The following NTN1 variants were observed in gnomAD, a reference collection of about 807,000 sequenced individuals.
NTN1 encodes netrin 1.
NTN1 carries 11 observed loss-of-function variants against 54.2 expected under a neutral mutation model. The observed-to-expected ratio is 0.20, with a 90% confidence interval of 0.13 to 0.34. NTN1 has a LOEUF of 0.34. Ranked by LOEUF, NTN1 falls within the 10% of genes least tolerant of loss-of-function variation. The pLI is 1.00. For synonymous variants in NTN1, 371 were observed against 382.0 expected (o/e 0.97, Z 0.33); for missense variants, 740 against 893.1 (o/e 0.83, Z 2.18).
chr17:9,097,991 A>G (rs1309758869), intron 2 of NTN1, among the ~76,000 whole-genome samples: 2 of 152,154 alleles, frequency 1.3e-5, no homozygotes, highest in Non-Finnish European at 2.9e-5. Flanking sequence ...TGAACTATTC[A>G]AAACTGAATG....
At chr17:9,023,830 A>C (rs1481701960) in intron 2 of NTN1, among the ~76,000 whole-genome samples, 1 of 152,218 alleles carries the variant, frequency 6.6e-6, no homozygotes, top group African/African-American at 2.4e-5. Context: ...CCACACCTAC[A>C]AATCCCTTGG....
At chr17:9,004,800 C>A in the NTN1 span, among the ~76,000 whole-genome samples, 1 of 152,304 alleles carries the variant, frequency 6.6e-6, no homozygotes, top group South Asian at 2.1e-4. Flanking sequence ...TGGAATCCTG[C>A]CACTGGGAGA....
At chr17:9,223,974 G>A (rs962023758) in intron 6 of NTN1, among the ~76,000 whole-genome samples, 3 of 152,160 alleles carry the variant, frequency 2.0e-5, no homozygotes, top group African/African-American at 7.2e-5. Flanking sequence ...TTTTAGTCTC[G>A]AAGAACTCTT....
intron 2 of NTN1, among the ~76,000 whole-genome samples, chr17:9,111,124 G>T (rs189579098): frequency 5.3e-5 from 8 of 152,018 alleles, no homozygotes; most frequent in African/African-American, 1.9e-4. Flanking sequence ...TTTTAGTAGA[G>T]ATGGGGTTTC....
intron 5 of NTN1, among the ~76,000 whole-genome samples, chr17:9,186,917 G>A (rs1347280271): frequency 2.0e-5 from 3 of 152,100 alleles, no homozygotes; most frequent in East Asian, 1.9e-4. Context: ...CGGCATTAGC[G>A]AGGGGTTGTG....
chr17:9,054,131 C>T (rs1166589970), intron 2 of NTN1, among the ~76,000 whole-genome samples: 11 of 152,194 alleles, frequency 7.2e-5, no homozygotes, highest in Admixed American at 5.9e-4. Flanking sequence ...GAACGAAGGG[C>T]GGACAGTGAA....
intron 2 of NTN1, among the ~76,000 whole-genome samples, chr17:9,152,935 G>C (rs939563649): frequency 6.6e-6 from 1 of 152,116 alleles, no homozygotes; most frequent in African/African-American, 2.4e-5. Flanking sequence ...TGCTTGTGAG[G>C]TTGTAGCCAT....
chr17:9,138,171 AC>A lies in NTN1; in HGVS notation c.1019-24637del, dbSNP rs2092286995. On this transcript the variant is annotated intron_variant, in intron 2 of 6. Transcript: ENST00000173229. Reference sequence around the variant, plus strand: ...TTCAGAATGATTGCTCAACTTGAAAACCCCCTGGGCGGGTGTCTGGGGTGGT... The same window carrying A: ...TTCAGAATGATTGCTCAACTTGAAAACCCCTGGGCGGGTGTCTGGGGTGGT... 2.0e-5 allele frequency among the ~76,000 whole-genome samples: 3 copies of A among 151,860 alleles called. 1 individual carries two copies. The South Asian group carries it at 6.3e-4, about 32-fold the overall frequency.
chr17:9,179,346 C>A (rs1194674843), intron 3 of NTN1, among the ~76,000 whole-genome samples: 2 of 152,182 alleles, frequency 1.3e-5, no homozygotes, highest in African/African-American at 4.8e-5. Context: ...AGGCCTCAAA[C>A]CCCACTCCTC....
In NTN1 at chr17:9,243,273, G is replaced by A. The variant is rs1466862338; in HGVS notation, c.*3305G>A. 1 of 151,874 alleles carries A rather than the reference G, an allele frequency of 6.6e-6. No individual in the cohort carries two copies. Among genetic ancestry groups the A allele is most frequent in the Non-Finnish European group, 1.5e-5 (1 of 67,868 alleles). The allele number at this position is 151,874 out of a possible 1,614,324, so 9.4% of individuals were successfully genotyped here. On this transcript the variant is annotated 3_prime_UTR_variant, in exon 7 of 7. Coordinates refer to ENST00000173229, the MANE Select transcript of NTN1 (RefSeq NM_004822.3). ...GAGGGACACCTGGGGTCACAACCCA[G>A]GGAGGGAGGGTCACAGCCCAGGGAG...
At chr17:9,055,776 C>T (rs1045769767) in intron 2 of NTN1, among the ~76,000 whole-genome samples, 2 of 152,112 alleles carry the variant, frequency 1.3e-5, no homozygotes, top group Admixed American at 6.6e-5. Context: ...CACTAGAGTG[C>T]GGTGGGGCAG....
At chr17:9,100,810 C>A (rs1487596268) in intron 2 of NTN1, among the ~76,000 whole-genome samples, 1 of 152,002 alleles carries the variant, frequency 6.6e-6, no homozygotes, top group African/African-American at 2.4e-5. Context: ...GTTTTTATGT[C>A]ATCCTGTCAG....
At chr17:9,091,826 C>G (rs1480526579) in intron 2 of NTN1, among the ~76,000 whole-genome samples, 2 of 152,120 alleles carry the variant, frequency 1.3e-5, no homozygotes, top group Admixed American at 1.3e-4. Flanking sequence ...GTCTCCAGAA[C>G]TTTTTCAACT....
In NTN1 at chr17:9,205,898, C is replaced by T. The variant is rs141312890; in HGVS notation, c.1412-15270C>T. ...TTCCTATGTGGCTGTGCAGCTTACT[C>T]GGGACATTGGGTGGAAAGCACTTTG... On this transcript the variant is annotated intron_variant, in intron 5 of 6. Transcript: ENST00000173229. Among the ~76,000 whole-genome samples, 1,135 of 152,346 alleles carry T rather than the reference C, an allele frequency of 7.5e-3. 19 individuals are homozygous for T. Among genetic ancestry groups the T allele is most frequent in the African/African-American group, 0.026 (1,076 of 41,574 alleles).
At position 9,217,652 on chromosome 17, in the gene NTN1, G is replaced by A. The variant is rs150831954; in HGVS notation, c.1412-3516G>A. ...CACAAGCAGCCAAATAGCTGTCACA[G>A]TGTCCATGTTCTGAAGGTTATTCAC... On this transcript the variant is annotated intron_variant, in intron 5 of 6. Transcript: ENST00000173229. Among the ~76,000 whole-genome samples the A allele has an allele frequency of 5.6e-3, 855 of 152,210 alleles. 8 individuals carry two copies. Among genetic ancestry groups the A allele is most frequent in the African/African-American group, 0.02 (821 of 41,474 alleles).
chr17:9,202,682 T>C (rs1904835341), intron 5 of NTN1, among the ~76,000 whole-genome samples: 1 of 152,096 alleles, frequency 6.6e-6, no homozygotes, highest in Admixed American at 6.5e-5. Context: ...AAAAAAAAAT[T>C]TGGAGTGGAA....
At chr17:9,147,174 C>T (rs562618534) in intron 2 of NTN1, among the ~76,000 whole-genome samples, 5 of 152,266 alleles carry the variant, frequency 3.3e-5, no homozygotes, top group African/African-American at 7.2e-5. Context: ...AGCTCTGCTG[C>T]GCAGTCCCTC....
rs79669571 is a variant in NTN1 at position 9,197,125 on chromosome 17, C to G, written c.1411+14156C>G. ...AGGCATCCTGAGAGTGAAATTCAGGCTCTCAATACCAGAAGGAACCTAGAG... is the reference window on the plus strand; with the variant it reads ...AGGCATCCTGAGAGTGAAATTCAGGGTCTCAATACCAGAAGGAACCTAGAG... On this transcript the variant is annotated intron_variant, in intron 5 of 6. Transcript: ENST00000173229. Among the ~76,000 whole-genome samples, 83 of 152,102 alleles carry G rather than the reference C, an allele frequency of 5.5e-4. No homozygotes were observed. The East Asian group carries it at 0.011, about 21-fold the overall frequency.
chr17:9,207,120 A>G (rs1053803578), intron 5 of NTN1, among the ~76,000 whole-genome samples: 94 of 152,244 alleles, frequency 6.2e-4, no homozygotes, highest in African/African-American at 2.2e-3. Context: ...AGGGCTTGTT[A>G]TGTGTCCCGG....
Sources: allele counts gnomAD v4.1 joint callset (sites outside exome capture counted in the v4.1 genomes callset), GRCh38; gene constraint gnomAD v4.1.1; transcripts MANE v1.5; gene names NCBI Gene and HGNC (gene_info 2026-07-23, HGNC 2026-07-21).